Variants in HNRNPA2B1 observed in about 807,000 individuals in gnomAD.
HNRNPA2B1 encodes the protein heterogeneous nuclear ribonucleoproteins A2/B1.
HNRNPA2B1 carries 3 observed loss-of-function variants against 46.3 expected under a neutral mutation model. The ratio of observed to expected loss-of-function variants is 0.06; its 90% CI spans 0.03 to 0.17. HNRNPA2B1 has a LOEUF of 0.17. Ranked by LOEUF, HNRNPA2B1 falls within the 10% of genes least tolerant of loss-of-function variation. The probability of loss-of-function intolerance (pLI) is 1.00; values close to 1 mark genes in which losing one functional copy is unlikely to be tolerated. For missense variants in HNRNPA2B1, 221 were observed against 418.9 expected (o/e 0.53, Z 4.12); for synonymous variants, 225 against 133.8 (o/e 1.68, Z -4.70).
intron 1 of HNRNPA2B1, chr7:26,198,832 A>G (rs751148065): frequency 6.6e-6 from 1 of 152,254 alleles, no homozygotes; most frequent in Non-Finnish European, 1.5e-5. Flanking sequence ...TTTTGTTCCT[A>G]GCAAGCAGCA....
At chr7:26,193,486 T>TCTA in intron 8 of HNRNPA2B1, 89 bp downstream of exon 8, 1 of 1,530,132 alleles carries the variant, frequency 6.5e-7, no homozygotes, top group Non-Finnish European at 8.8e-7. Context: ...TTTATGGGCA[T>TCTA]CTAGTGACAA....
At chr7:26,194,537 A>AC (rs1005161102) in intron 7 of HNRNPA2B1, among the ~76,000 whole-genome samples, 12 of 134,718 alleles carry the variant, frequency 8.9e-5, no homozygotes, top group African/African-American at 3.7e-4. Flanking sequence ...CCACACCTCT[A>AC]CAAAAAAACA....
In HNRNPA2B1 at chr7:26,193,717, G is replaced by T. The variant is rs781001460; in HGVS notation, c.722-23C>A. ...CACCTATTATAAAATAAGCCTTTAA[G>T]TAATCACTTAATATTTTCAATACCA... On this transcript the variant is annotated intron_variant, in intron 7 of 10. Coordinates refer to ENST00000618183, the MANE Select transcript of HNRNPA2B1 (RefSeq NM_002137.4). 1.9e-6 allele frequency: 3 copies of T among 1,597,252 alleles called. No individual in the cohort carries two copies. In the East Asian group the frequency reaches 6.7e-5, roughly 36 times the overall value.
chr7:26,196,293 T>A, intron 6 of HNRNPA2B1, 108 bp downstream of exon 6: 1 of 882,052 alleles, frequency 1.1e-6, no homozygotes, highest in East Asian at 2.6e-5. Flanking sequence ...ATTTGAAGTC[T>A]TAGGAAAATT....
Position 26,200,744 on chromosome 7 carries a change from A to G in HNRNPA2B1, c.-167T>C, listed in dbSNP as rs1584022543. On this transcript the variant is annotated 5_prime_UTR_variant, in exon 1 of 11. Transcript: ENST00000618183. ...CCGCACGGGACCCGGCGCTGCTGCTACTGCCGCTAGAGCCGCTGCCGCCGC... is the reference window on the plus strand; with the variant it reads ...CCGCACGGGACCCGGCGCTGCTGCTGCTGCCGCTAGAGCCGCTGCCGCCGC... 3.6e-6 allele frequency: 3 copies of G among 833,898 alleles called. No individual in the cohort carries two copies. The highest frequency in any genetic ancestry group is 2.8e-5 in the South Asian group (2 of 71,678). 51.7% of individuals were successfully genotyped at this position (833,898 alleles called of 1,614,324 possible).
intron 6 of HNRNPA2B1, 145 bp from the exon 7 acceptor site, chr7:26,196,054 A>G (rs1783577659): frequency 2.5e-6 from 3 of 1,181,904 alleles, no homozygotes; most frequent in Non-Finnish European, 2.3e-6. Flanking sequence ...TACCCACAAA[A>G]CATGAAAGCA....
chr7:26,192,118 G>A lies in HNRNPA2B1; in HGVS notation c.*242C>T, dbSNP rs1782976205. On this transcript the variant is annotated 3_prime_UTR_variant, in exon 11 of 11. Coordinates refer to ENST00000618183, the MANE Select transcript of HNRNPA2B1 (RefSeq NM_002137.4). ...AAAAAGCTAAGAAACTGTCTCAAAG[G>A]CATTTTTTTTTACAATCCTTCCTCC... is the stretch of plus-strand genomic sequence containing the variant. 6.2e-6 allele frequency: 1 copy of A among 160,320 alleles called. No individual in the cohort carries two copies. Among genetic ancestry groups the A allele is most frequent in the African/African-American group, 2.4e-5 (1 of 41,552 alleles). The allele number at this position is 160,320 out of a possible 1,614,324, so 9.9% of individuals were successfully genotyped here.
Position 26,200,618 on chromosome 7 carries a change from C to CGAGATGAGA in HNRNPA2B1, c.-50_-42dup. On this transcript the variant is annotated 5_prime_UTR_variant, in exon 1 of 11. Transcript: ENST00000618183. ...TTCAGCCCGATTTCCCGCAGCCGAGCGAGATGAGAGAGATCTCCGCGGACG... is the reference window on the plus strand; with the variant it reads ...TTCAGCCCGATTTCCCGCAGCCGAGCGAGATGAGAGAGATGAGAGAGATCTCCGCGGACG... The CGAGATGAGA allele has an allele frequency of 6.2e-7, 1 of 1,613,286 alleles. No homozygotes were observed. Among genetic ancestry groups the CGAGATGAGA allele is most frequent in the Non-Finnish European group, 8.5e-7 (1 of 1,179,904 alleles).
At position 26,190,310 on chromosome 7, in the gene HNRNPA2B1, T is replaced by G. The variant is rs909639651; in HGVS notation, c.*2050A>C. Reference sequence around the variant, plus strand: ...CAAGAACCTCAACTAAATGTTTGTTTTATCAGAAAACATTTCCCTTTTATT... The same window carrying G: ...CAAGAACCTCAACTAAATGTTTGTTGTATCAGAAAACATTTCCCTTTTATT... On this transcript the variant is annotated 3_prime_UTR_variant, in exon 11 of 11. Coordinates refer to ENST00000618183, the MANE Select transcript of HNRNPA2B1 (RefSeq NM_002137.4). 7 of 152,626 alleles carry G rather than the reference T, an allele frequency of 4.6e-5. No individual in the cohort carries two copies. Among genetic ancestry groups the G allele is most frequent in the African/African-American group, 1.2e-4 (5 of 41,440 alleles). 9.5% of individuals were successfully genotyped at this position (152,626 alleles called of 1,614,324 possible). A position where few individuals can be genotyped will look rare whatever the true frequency, so the allele number is the denominator to read the frequency against.
chr7:26,192,990 A>T (rs1335424180), intron 9 of HNRNPA2B1, among the ~76,000 whole-genome samples: 1 of 152,150 alleles, frequency 6.6e-6, no homozygotes, highest in African/African-American at 2.4e-5. Context: ...TTGCAACTGT[A>T]TTTAGCTGTT....
At chr7:26,197,222 T>C in intron 3 of HNRNPA2B1, 93 bp downstream of exon 3, 3 of 1,428,032 alleles carry the variant, frequency 2.1e-6, no homozygotes, top group Non-Finnish European at 2.8e-6. Flanking sequence ...AGAGAAAAAA[T>C]CTTGAGTTAA....
rs191901811 is a variant in HNRNPA2B1 at position 26,196,052 on chromosome 7, A to G, written c.659-143T>C. On this transcript the variant is annotated intron_variant, in intron 6 of 10. Coordinates refer to ENST00000618183, the MANE Select transcript of HNRNPA2B1 (RefSeq NM_002137.4). ...CACCAGTGCTACCAGTTTACCCACA[A>G]AACATGAAAGCATATAATTAAATCT... is the stretch of plus-strand genomic sequence containing the variant. The G allele has an allele frequency of 4.8e-4, 584 of 1,204,578 alleles. 4 individuals are homozygous for G. In the Admixed American group the frequency reaches 0.011, roughly 22 times the overall value. 74.6% of individuals were successfully genotyped at this position (1,204,578 alleles called of 1,614,324 possible). A position where few individuals can be genotyped will look rare whatever the true frequency, so the allele number is the denominator to read the frequency against.
chr7:26,200,513 G>A (rs1784309955), intron 1 of HNRNPA2B1, 59 bp downstream of exon 1: 6 of 1,585,520 alleles, frequency 3.8e-6, no homozygotes, highest in African/African-American at 1.3e-5. Context: ...GACTTCCACT[G>A]AGGCGCCAAC....
At chr7:26,199,003 C>T (rs567930646) in intron 1 of HNRNPA2B1, 1 of 152,254 alleles carries the variant, frequency 6.6e-6, no homozygotes, top group African/African-American at 2.4e-5. Flanking sequence ...CAAACTAGCT[C>T]CTATGAGACA....
intron 1 of HNRNPA2B1, chr7:26,198,350 T>A (rs1245969954): frequency 7.2e-5 from 11 of 152,606 alleles, no homozygotes; most frequent in Non-Finnish European, 1.5e-5. Flanking sequence ...TATTTAAAGA[T>A]ATGCATTAGA....
chr7:26,196,502 A>G, intron 5 of HNRNPA2B1, 21 bp from the exon 6 acceptor site: 7 of 1,613,902 alleles, frequency 4.3e-6, no homozygotes, highest in Non-Finnish European at 5.9e-6. Flanking sequence ...TGCCCCAGTT[A>G]GAAGCAAGCC....
At chr7:26,200,501 C>T (rs1391695669) in intron 1 of HNRNPA2B1, 71 bp downstream of exon 1, 2 of 1,529,846 alleles carry the variant, frequency 1.3e-6, no homozygotes, top group African/African-American at 1.4e-5. Context: ...AGGCGGCTGG[C>T]CGACTTCCAC....
Position 26,191,481 on chromosome 7 carries a change from C to CATAA in HNRNPA2B1, c.*878_*879insTTAT, listed in dbSNP as rs1278981043. The CATAA allele has an allele frequency of 6.6e-6, 1 of 152,136 alleles. No homozygotes were observed. The highest frequency in any genetic ancestry group is 2.4e-5 in the African/African-American group (1 of 41,430). The allele number at this position is 152,136 out of a possible 1,614,324, so 9.4% of individuals were successfully genotyped here. A position where few individuals can be genotyped will look rare whatever the true frequency, so the allele number is the denominator to read the frequency against. The stretch of plus-strand genomic sequence containing the variant: ...GCTCTACACCCTCAGCTTTCGTTGG[C>CATAA]ATCCTTATAAACTACTGTAGTTAAA... On this transcript the variant is annotated 3_prime_UTR_variant, in exon 11 of 11. Transcript: ENST00000618183.
chr7:26,197,309 G>T lies in HNRNPA2B1; in HGVS notation c.264+6C>A. On this transcript the variant is annotated splice_donor_region_variant and intron_variant, in intron 3 of 10. Coordinates refer to ENST00000618183, the MANE Select transcript of HNRNPA2B1 (RefSeq NM_002137.4). ...TTAATGCACAAGACAGTCATTGTTT[G>T]CTTACCTCTCTTGCTACAGCACGTT... 6.2e-7 allele frequency: 1 copy of T among 1,604,572 alleles called. No homozygotes were observed.
Sources: gnomAD v4.1 joint callset for allele counts (sites outside exome capture counted in the v4.1 genomes callset) on GRCh38, gnomAD v4.1.1 for gene constraint, MANE v1.5 for transcripts, NCBI Gene and HGNC (gene_info 2026-07-23, HGNC 2026-07-21) for gene names.